PPM1E: variants seen among roughly 807,000 people sequenced by gnomAD.
PPM1E encodes protein phosphatase, Mg2+/Mn2+ dependent 1E.
In PPM1E, 20 loss-of-function variants were observed where a neutral mutation model predicts 65.9. That is an observed-to-expected ratio of 0.30 (90% CI 0.21 to 0.44). The LOEUF is 0.44. Ranked by LOEUF, PPM1E falls within the 20% of genes least tolerant of loss-of-function variation. The pLI, the probability that PPM1E is intolerant of heterozygous loss-of-function variation, is 1.00. For synonymous variants in PPM1E, 352 were observed against 374.9 expected, an observed-to-expected ratio of 0.94 and a Z score of 0.70; for missense variants, 713 against 953.1, an observed-to-expected ratio of 0.75 and a Z score of 3.32.
chr17:58,982,887 C>A lies in PPM1E; in HGVS notation c.*1856C>A. 1 of 1,569,426 alleles carries A rather than the reference C, an allele frequency of 6.4e-7. No homozygotes were observed. The highest frequency in any genetic ancestry group is 8.7e-7 in the Non-Finnish European group (1 of 1,154,890). ...CTTCTGAAGCCTAGATCTTGTTAAC[C>A]CATCAGGTGCAGTGTCAGTTTCAAA... On this transcript the variant is annotated 3_prime_UTR_variant, in exon 7 of 7. Transcript: ENST00000308249.
intron 1 of PPM1E, among the ~76,000 whole-genome samples, chr17:58,793,746 G>A (rs935284630): frequency 2.0e-5 from 3 of 152,022 alleles, no homozygotes; most frequent in Non-Finnish European, 4.4e-5. Flanking sequence ...AATATTACTT[G>A]TTTATATCTG....
At chr17:58,775,807 G>C (rs1288941955) in intron 1 of PPM1E, among the ~76,000 whole-genome samples, 3 of 149,670 alleles carry the variant, frequency 2.0e-5, no homozygotes, top group Non-Finnish European at 4.4e-5. Context: ...CCAGCTACTC[G>C]GGAGGCTGAG....
chr17:58,816,770 ATATATATATATATATATATATATATTTT>A (rs1441014524), intron 1 of PPM1E, among the ~76,000 whole-genome samples: 4,908 of 23,750 alleles, frequency 0.21, 322 homozygotes, highest in Middle Eastern at 0.27. Flanking sequence ...ATATATATAT[ATATATATATATATATATATATATATTTT>A]TTTTTTTTTT....
intron 1 of PPM1E, among the ~76,000 whole-genome samples, chr17:58,864,022 G>T (rs1209763394): frequency 6.6e-6 from 1 of 151,372 alleles, no homozygotes; most frequent in Non-Finnish European, 1.5e-5. Flanking sequence ...AGGCTTGAGG[G>T]TGGAACCTTT....
chr17:58,765,746 G>A (rs1486159673), intron 1 of PPM1E, among the ~76,000 whole-genome samples: 1 of 151,888 alleles, frequency 6.6e-6, no homozygotes, highest in African/African-American at 2.4e-5. Flanking sequence ...TTTTTTCCTG[G>A]TGACTTGATT....
At chr17:58,957,558 G>A (rs2029895475) in intron 2 of PPM1E, among the ~76,000 whole-genome samples, 1 of 151,936 alleles carries the variant, frequency 6.6e-6, no homozygotes, top group Non-Finnish European at 1.5e-5. Context: ...CAATCACTTA[G>A]TGTGAACTGC....
At chr17:58,860,901 C>A (rs986565441) in intron 1 of PPM1E, among the ~76,000 whole-genome samples, 26 of 151,836 alleles carry the variant, frequency 1.7e-4, no homozygotes, top group African/African-American at 6.3e-4. Flanking sequence ...CACGCCACTG[C>A]ACTCCAGCCT....
intron 1 of PPM1E, among the ~76,000 whole-genome samples, chr17:58,891,786 A>G (rs2051348904): frequency 6.6e-6 from 1 of 150,578 alleles, no homozygotes; most frequent in Admixed American, 6.6e-5. Context: ...CATATAATGA[A>G]CCATATAATC....
chr17:58,941,490 C>T (rs1461792621), intron 1 of PPM1E, among the ~76,000 whole-genome samples: 2 of 150,360 alleles, frequency 1.3e-5, no homozygotes, highest in South Asian at 2.1e-4. Flanking sequence ...GTCAAGAGAT[C>T]GAGACCATCC....
rs533990179 is a variant in PPM1E, at chr17:58,927,122, CT to C, written c.465-28505del. 2.3e-3 allele frequency among the ~76,000 whole-genome samples: 281 copies of C among 124,628 alleles called. 1 individual carries two copies. The highest frequency in any genetic ancestry group is 5.4e-3 in the African/African-American group (177 of 32,824). The allele number at this position is 124,628 out of a possible 152,430, so 81.8% of individuals were successfully genotyped here. On this transcript the variant is annotated intron_variant, in intron 1 of 6. Coordinates refer to ENST00000308249, the MANE Select transcript of PPM1E (RefSeq NM_014906.5). ...GATATATTACTTACTGACTTTTAAA[CT>C]TTTTTTTTTTTTTTTTTTTTTGAGG...
At chr17:58,941,973 C>T (rs1239164365) in intron 1 of PPM1E, among the ~76,000 whole-genome samples, 2 of 150,652 alleles carry the variant, frequency 1.3e-5, no homozygotes, top group Non-Finnish European at 2.9e-5. Context: ...CCATTGCACT[C>T]CAGCCTGGGG....
At chr17:58,977,807 A>T (rs1386480918) in intron 6 of PPM1E, among the ~76,000 whole-genome samples, 2 of 152,152 alleles carry the variant, frequency 1.3e-5, no homozygotes, top group Admixed American at 1.3e-4. Flanking sequence ...CAGTGGCGCA[A>T]TCTGGGCTCA....
intron 1 of PPM1E, among the ~76,000 whole-genome samples, chr17:58,823,580 T>G (rs1428608308): frequency 6.6e-6 from 1 of 152,200 alleles, no homozygotes; most frequent in African/African-American, 2.4e-5. Flanking sequence ...TTTTTTTCCC[T>G]TAGGAAATTG....
At chr17:58,830,560 T>C (rs1432271286) in intron 1 of PPM1E, among the ~76,000 whole-genome samples, 1 of 151,970 alleles carries the variant, frequency 6.6e-6, no homozygotes, top group African/African-American at 2.4e-5. Context: ...CCCACCTCGG[T>C]CTCCCAAAGT....
intron 1 of PPM1E, among the ~76,000 whole-genome samples, chr17:58,804,228 T>C (rs2050284491): frequency 6.6e-6 from 1 of 152,204 alleles, no homozygotes; most frequent in Non-Finnish European, 1.5e-5. Context: ...ATGCTTGGCC[T>C]CCAAATATTA....
intron 1 of PPM1E, among the ~76,000 whole-genome samples, chr17:58,798,527 T>G (rs933388239): frequency 7.3e-6 from 1 of 136,462 alleles, no homozygotes; most frequent in African/African-American, 2.7e-5. Context: ...ACGGCCCTAT[T>G]TTTTTTTTTT....
chr17:58,963,962 G>GA (rs1397996562), intron 2 of PPM1E, among the ~76,000 whole-genome samples: 2 of 151,930 alleles, frequency 1.3e-5, no homozygotes, highest in African/African-American at 4.8e-5. Context: ...TGTTAATGAG[G>GA]AAAAAAAGGA....
chr17:58,849,314 C>T (rs1481222550), intron 1 of PPM1E, among the ~76,000 whole-genome samples: 1 of 152,116 alleles, frequency 6.6e-6, no homozygotes, highest in Non-Finnish European at 1.5e-5. Flanking sequence ...CTTCTGCTAG[C>T]TTTTGAATGT....
chr17:58,886,699 A>AT (rs1476446305), intron 1 of PPM1E, among the ~76,000 whole-genome samples: 21 of 152,378 alleles, frequency 1.4e-4, no homozygotes, highest in Admixed American at 9.1e-4. Context: ...ATACAGTGGA[A>AT]TACTACTAAG....
Sources: gnomAD v4.1 joint callset for allele counts (sites outside exome capture counted in the v4.1 genomes callset) on GRCh38, gnomAD v4.1.1 for gene constraint, MANE v1.5 for transcripts, NCBI Gene and HGNC (gene_info 2026-07-23, HGNC 2026-07-21) for gene names.